Variants in NRXN3 observed in about 807,000 individuals in gnomAD.
NRXN3 encodes the protein neurexin III.
Under a neutral mutation model 137.6 loss-of-function variants are expected in NRXN3, and 32 were observed. The observed-to-expected ratio is 0.23, with a 90% CI of 0.18 to 0.31. The LOEUF is 0.31. Among genes scored for constraint, NRXN3 ranks in the 10% least tolerant of loss-of-function variants. The pLI, the probability that NRXN3 is intolerant of heterozygous loss-of-function variation, is 1.00. For synonymous variants in NRXN3, 798 were observed against 784.5 expected (o/e 1.02, Z -0.29); for missense variants, 1,574 against 2,062.5 (o/e 0.76, Z 4.59).
rs1396498913 is a variant in NRXN3, at chr14:79,864,883, G to A, written c.*2919G>A. 1 of 152,004 alleles carries A rather than the reference G, an allele frequency of 6.6e-6. No homozygotes were observed. The allele number at this position is 152,004 out of a possible 1,614,324, so 9.4% of individuals were successfully genotyped here. A position where few individuals can be genotyped will look rare whatever the true frequency, so the allele number is the denominator to read the frequency against. ...TCTCCTGCCTCAGCCCCCCGAGTAG[G>A]TGGGACTACAGGTGCCCGCCACCAC... is the stretch of plus-strand genomic sequence containing the variant. On this transcript the variant is annotated 3_prime_UTR_variant, in exon 21 of 21. Coordinates refer to ENST00000335750, the MANE Select transcript of NRXN3 (RefSeq NM_001330195.2).
At chr14:78,216,974 G>A (rs1446314272) in intron 1 of NRXN3, among the ~76,000 whole-genome samples, 4 of 152,036 alleles carry the variant, frequency 2.6e-5, no homozygotes, top group African/African-American at 9.7e-5. Flanking sequence ...TTTGCAGCCC[G>A]GCCTACTCCA....
At chr14:79,043,648 G>A (rs2099628536) in intron 15 of NRXN3, among the ~76,000 whole-genome samples, 1 of 152,154 alleles carries the variant, frequency 6.6e-6, no homozygotes. Context: ...CTGCTGTACA[G>A]GTCTTGGGTA....
At chr14:79,770,504 C>T (rs1325144366) in intron 19 of NRXN3, among the ~76,000 whole-genome samples, 7 of 135,600 alleles carry the variant, frequency 5.2e-5, no homozygotes, top group Non-Finnish European at 1.1e-4. Context: ...GGAAACTGAA[C>T]AACCTGCTCC....
chr14:79,069,495 A>G (rs2099684823), intron 15 of NRXN3, among the ~76,000 whole-genome samples: 1 of 152,046 alleles, frequency 6.6e-6, no homozygotes, highest in Non-Finnish European at 1.5e-5. Flanking sequence ...CTTGTTTGAC[A>G]GTGCTAAGTG....
chr14:79,500,616 C>T (rs887403990), intron 16 of NRXN3, among the ~76,000 whole-genome samples: 3 of 152,184 alleles, frequency 2.0e-5, no homozygotes, highest in Admixed American at 6.5e-5. Flanking sequence ...CTCCCACTTT[C>T]GTTTGTGTCT....
chr14:78,181,605 T>A (rs1226289103), intron 1 of NRXN3, among the ~76,000 whole-genome samples: 1 of 152,066 alleles, frequency 6.6e-6, no homozygotes, highest in Non-Finnish European at 1.5e-5. Context: ...GAGGGGATGA[T>A]CCCAACTTAG....
chr14:79,784,800 A>T (rs996506317), intron 19 of NRXN3, among the ~76,000 whole-genome samples: 2 of 152,054 alleles, frequency 1.3e-5, no homozygotes, highest in African/African-American at 2.4e-5. Context: ...TCATGCACAC[A>T]CACATACACA....
At chr14:78,404,437 G>A (rs943291111) in intron 4 of NRXN3, among the ~76,000 whole-genome samples, 3 of 152,078 alleles carry the variant, frequency 2.0e-5, no homozygotes, top group African/African-American at 4.8e-5. Flanking sequence ...TTCCCCTAGT[G>A]CACCAGATAT....
At chr14:78,450,546 T>A (rs902603298) in intron 4 of NRXN3, among the ~76,000 whole-genome samples, 1 of 152,124 alleles carries the variant, frequency 6.6e-6, no homozygotes, top group Non-Finnish European at 1.5e-5. Context: ...ACTTCCTCCC[T>A]ACCTGGAGCC....
chr14:79,860,759 C>T (rs2099412468), intron 20 of NRXN3, among the ~76,000 whole-genome samples: 1 of 152,184 alleles, frequency 6.6e-6, no homozygotes, highest in African/African-American at 2.4e-5. Flanking sequence ...GTCATCAGCC[C>T]ATAAGCAGAT....
intron 10 of NRXN3, among the ~76,000 whole-genome samples, chr14:78,916,796 C>T (rs1462072788): frequency 3.9e-5 from 6 of 152,178 alleles, no homozygotes; most frequent in African/African-American, 1.2e-4. Context: ...CGCAGTTCTG[C>T]AGGGTGGACC....
intron 10 of NRXN3, among the ~76,000 whole-genome samples, chr14:78,945,932 A>G (rs1247180830): frequency 5.9e-5 from 9 of 152,214 alleles, no homozygotes; most frequent in Non-Finnish European, 1.3e-4. Flanking sequence ...AGTGGTTCAC[A>G]CTATTTCTGC....
chr14:78,205,419 GCACGGCA>G (rs2062090749), intron 1 of NRXN3, among the ~76,000 whole-genome samples: 1 of 152,224 alleles, frequency 6.6e-6, no homozygotes, highest in Non-Finnish European at 1.5e-5. Flanking sequence ...CTGAGACGAT[GCACGGCA>G]CACTTGGATG....
At chr14:79,757,471 ATAT>A (rs1417933579) in intron 19 of NRXN3, among the ~76,000 whole-genome samples, 3 of 152,196 alleles carry the variant, frequency 2.0e-5, no homozygotes, top group East Asian at 3.9e-4. Context: ...ATTAATGGTG[ATAT>A]TATATCTGGT....
At chr14:78,470,442 C>T (rs868836853) in intron 4 of NRXN3, among the ~76,000 whole-genome samples, 2 of 151,982 alleles carry the variant, frequency 1.3e-5, no homozygotes, top group South Asian at 4.2e-4. Context: ...TTTCTTTTCT[C>T]GGTGGGAGAG....
At chr14:79,565,308 T>C (rs201365430) in intron 16 of NRXN3, among the ~76,000 whole-genome samples, 77 of 132,786 alleles carry the variant, frequency 5.8e-4, no homozygotes, top group East Asian at 4.4e-3. Flanking sequence ...TATATACATA[T>C]ACACACACAT....
At chr14:79,303,492 T>C (rs913974983) in intron 15 of NRXN3, among the ~76,000 whole-genome samples, 3 of 152,048 alleles carry the variant, frequency 2.0e-5, no homozygotes, top group Admixed American at 2.0e-4. Context: ...ATGCCTTCTT[T>C]GCTTCTTGAC....
chr14:78,236,728 T>C (rs968098213), intron 1 of NRXN3, among the ~76,000 whole-genome samples: 18 of 32,544 alleles, frequency 5.5e-4, no homozygotes, highest in African/African-American at 4.1e-3. Context: ...ATAGGTATTA[T>C]TCCCCCCCCC....
At chr14:78,305,124 A>G (rs2077231240) in intron 4 of NRXN3, among the ~76,000 whole-genome samples, 1 of 152,128 alleles carries the variant, frequency 6.6e-6, no homozygotes, top group Non-Finnish European at 1.5e-5. Flanking sequence ...AGTTACCAAG[A>G]ATCCTTCCTA....
Sources: gnomAD v4.1 joint callset for allele counts (sites outside exome capture counted in the v4.1 genomes callset) on GRCh38, gnomAD v4.1.1 for gene constraint, MANE v1.5 for transcripts, NCBI Gene and HGNC (gene_info 2026-07-23, HGNC 2026-07-21) for gene names.